Variants in CTAGE1 observed in about 807,000 individuals in gnomAD.
CTAGE1 encodes the protein cTAGE family member 2.
For missense variants in CTAGE1, 963 were observed against 855.9 expected (o/e 1.13, Z -1.56); for synonymous variants, 332 against 302.8 (o/e 1.10, Z -1.00).
rs73963390 is a variant in CTAGE1, at chr18:22,414,484, G to A, written c.*1090C>T. On this transcript the variant is annotated 3_prime_UTR_variant, in exon 1 of 1. Coordinates refer to ENST00000391403, the MANE Select transcript of CTAGE1 (RefSeq NM_172241.3). ...TGAGGGCAGGTTGTCCCCAAAAGAA[G>A]CAATGGCTTGGTGGCCCAGCTTGCA... is the stretch of plus-strand genomic sequence containing the variant. 0.013 allele frequency: 7,666 copies of A among 577,310 alleles called. 485 individuals carry two copies. Among genetic ancestry groups the A allele is most frequent in the African/African-American group, 0.13 (6,795 of 53,328 alleles). 35.8% of individuals were successfully genotyped at this position (577,310 alleles called of 1,614,324 possible).
Position 22,414,629 on chromosome 18 carries a change from A to C in CTAGE1, c.*945T>G, listed in dbSNP as rs1451647843. The C allele has an allele frequency of 1.6e-5, 11 of 694,632 alleles. No homozygotes were observed. The highest frequency in any genetic ancestry group is 2.4e-5 in the Non-Finnish European group (9 of 382,612). The allele number at this position is 694,632 out of a possible 1,614,324, so 43.0% of individuals were successfully genotyped here. ...TCAAATTCACCAACTGCAATTAAGCACTATCTTAGATTTACTCCTTCCCCT... is the reference window on the plus strand; with the variant it reads ...TCAAATTCACCAACTGCAATTAAGCCCTATCTTAGATTTACTCCTTCCCCT... On this transcript the variant is annotated 3_prime_UTR_variant, in exon 1 of 1. Transcript: ENST00000391403.
Position 22,415,615 on chromosome 18 carries a change from G to C in CTAGE1, c.2197C>G (p.Pro733Ala), listed in dbSNP as rs372016465. 6.2e-7 allele frequency: 1 copy of C among 1,613,058 alleles called. No homozygotes were observed. The highest frequency in any genetic ancestry group is 8.5e-7 in the Non-Finnish European group (1 of 1,179,468). Residue 733 changes from proline (P) to alanine (A), a missense_variant, in exon 1 of 1, where the codon CCC becomes GCC. Pro to Ala is a conservative substitution (Grantham distance 27). Transcript: ENST00000391403. Reference protein sequence around the residue: ...YLPRGFLPYRPPRPAFFPPAP... With the variant: ...YLPRGFLPYRAPRPAFFPPAP... ...GGGGGGAAAAATGCAGGTCTTGGGGGACGGTAAGGAAGAAAACCTCTCGGT... is the reference window on the plus strand; with the variant it reads ...GGGGGGAAAAATGCAGGTCTTGGGGCACGGTAAGGAAGAAAACCTCTCGGT...
At position 22,415,297 on chromosome 18, in the gene CTAGE1, GAATAA is replaced by G. The variant is rs748609036; in HGVS notation, c.*272_*276del. The G allele has an allele frequency of 8.0e-6, 3 of 373,046 alleles. No individual in the cohort carries two copies. The highest frequency in any genetic ancestry group is 9.5e-6 in the Non-Finnish European group (2 of 210,786). 23.1% of individuals were successfully genotyped at this position (373,046 alleles called of 1,614,324 possible). A position where few individuals can be genotyped will look rare whatever the true frequency, so the allele number is the denominator to read the frequency against. The stretch of plus-strand genomic sequence containing the variant: ...ATCAAATTAAAAGTTATACTATCTA[GAATAA>G]AATAAAATGAAATAATTTACTCATA... On this transcript the variant is annotated 3_prime_UTR_variant, in exon 1 of 1. Transcript: ENST00000391403.
In CTAGE1 at chr18:22,416,639, G is replaced by C; in HGVS notation, c.1173C>G (p.Ile391Met). Residue 391 changes from isoleucine (I) to methionine (M), a missense_variant, in exon 1 of 1, where the codon ATC becomes ATG. Transcript: ENST00000391403. ...TCTCCAGCTCTTCAGTGGCATGGCT[G>C]ATCATTTCGTCTACTTTAGAAAGTT... is the stretch of plus-strand genomic sequence containing the variant. ...EEKLSKVDEM[I>M]SHATEELETY... 1 of 1,613,812 alleles carries C rather than the reference G, an allele frequency of 6.2e-7. No individual in the cohort carries two copies. Among genetic ancestry groups the C allele is most frequent in the Non-Finnish European group, 8.5e-7 (1 of 1,179,966 alleles).
At position 22,417,701 on chromosome 18, in the gene CTAGE1, C is replaced by T. The variant is rs775604113; in HGVS notation, c.111G>A (p.Thr37=). The change falls in exon 1 of 1, where the codon ACG becomes ACA. Residue 37 remains threonine (T), a synonymous_variant. Transcript: ENST00000391403. ...LFLWRSFRSV[T]SRLYVRREKK... is the part of the protein sequence containing the mutation. ...TCTCTCTTCTCACATAAAGCCGACT[C>T]GTAACTGATCTAAAACTTCTCCACA... 13 of 1,614,122 alleles carry T rather than the reference C, an allele frequency of 8.1e-6. No homozygotes were observed. The highest frequency in any genetic ancestry group is 3.3e-5 in the South Asian group (3 of 91,082).
At position 22,416,813 on chromosome 18, in the gene CTAGE1, A is replaced by G; in HGVS notation, c.999T>C (p.Ser333=). The change falls in exon 1 of 1, where the codon TCT becomes TCC. Residue 333 remains serine, a synonymous_variant. Transcript: ENST00000391403. ...HIKNLQTEQA[S]LQSENTHFES... ...CAAAATGTGTGTTTTCTGACTGCAA[A>G]GATGCTTGTTCAGTCTGAAGATTTT... 2 of 1,612,580 alleles carry G rather than the reference A, an allele frequency of 1.2e-6. No individual in the cohort carries two copies. The highest frequency in any genetic ancestry group is 2.2e-5 in the South Asian group (2 of 90,886).
Position 22,414,723 on chromosome 18 carries a change from G to C in CTAGE1, c.*851C>G, listed in dbSNP as rs151156268. 36 of 703,040 alleles carry C rather than the reference G, an allele frequency of 5.1e-5. No individual in the cohort carries two copies. Among genetic ancestry groups the C allele is most frequent in the Non-Finnish European group, 8.1e-5 (31 of 385,026 alleles). 43.6% of individuals were successfully genotyped at this position (703,040 alleles called of 1,614,324 possible). On this transcript the variant is annotated 3_prime_UTR_variant, in exon 1 of 1. Coordinates refer to ENST00000391403, the MANE Select transcript of CTAGE1 (RefSeq NM_172241.3). ...GAACACCAACAGAGGTAAAGGTTGGGAAAGAAGTCAGGAGAAACTGATCTA... is the reference window on the plus strand; with the variant it reads ...GAACACCAACAGAGGTAAAGGTTGGCAAAGAAGTCAGGAGAAACTGATCTA...
chr18:22,414,515 G>A lies in CTAGE1; in HGVS notation c.*1059C>T, dbSNP rs1256203899. 7 of 592,652 alleles carry A rather than the reference G, an allele frequency of 1.2e-5. No individual in the cohort carries two copies. The highest frequency in any genetic ancestry group is 5.6e-5 in the East Asian group (2 of 35,962). 36.7% of individuals were successfully genotyped at this position (592,652 alleles called of 1,614,324 possible). On this transcript the variant is annotated 3_prime_UTR_variant, in exon 1 of 1. Transcript: ENST00000391403. Reference sequence around the variant, plus strand: ...GCTTGGTGGCCCAGCTTGCATGAAGGACTAATCCAAAATTTGAGGGCGTCT... The same window carrying A: ...GCTTGGTGGCCCAGCTTGCATGAAGAACTAATCCAAAATTTGAGGGCGTCT...
rs1386055768 is a variant in CTAGE1 at position 22,417,797 on chromosome 18, A to C, written c.15T>G (p.Ser5=). The C allele has an allele frequency of 6.2e-7, 1 of 1,614,244 alleles. No homozygotes were observed. Among genetic ancestry groups the C allele is most frequent in the South Asian group, 1.1e-5 (1 of 91,086 alleles). MRPD[S]HPYGFPWELV... ...ATTCCCATGGAAAACCATAAGGATG[A>C]GAATCGGGTCTCATACCTTCAGTCA... The change falls in exon 1 of 1, where the codon TCT becomes TCG. Residue 5 remains serine (S), a synonymous_variant. Transcript: ENST00000391403.
In CTAGE1 at chr18:22,416,094, C is replaced by G. The variant is rs768978852; in HGVS notation, c.1718G>C (p.Arg573Thr). The change falls in exon 1 of 1, where the codon AGG (arginine) becomes ACG (threonine). Residue 573 changes from arginine (R) to threonine (T), a missense_variant. Physicochemically the swap from Arg to Thr is moderately conservative, Grantham distance 71. Coordinates refer to ENST00000391403, the MANE Select transcript of CTAGE1 (RefSeq NM_172241.3). The stretch of plus-strand genomic sequence containing the variant: ...TTGTCCTGGTGGAGGAAACATCATC[C>G]TATAGTCCTGTTCCCACGGAGGTGC... ...PLAPPWEQDY[R>T]MMFPPPGQSY... The G allele has an allele frequency of 1.7e-5, 27 of 1,613,838 alleles. 1 individual carries two copies. The Admixed American group carries it at 3.8e-4, about 23-fold the overall frequency.
In CTAGE1 at chr18:22,415,587, GC is replaced by G. The variant is rs1568125107; in HGVS notation, c.2224del (p.Ala742ProfsTer14). 12 of 1,603,456 alleles carry G rather than the reference GC, an allele frequency of 7.5e-6. No individual in the cohort carries two copies. The highest frequency in any genetic ancestry group is 1.0e-5 in the Non-Finnish European group (12 of 1,174,406). ...RPPRPAFFPP[A>X]PTF ...CTCATTCTACCTTCAGAATGTGGGGGCTGGGGGGAAAAATGCAGGTCTTGGG... is the reference window on the plus strand; with the variant it reads ...CTCATTCTACCTTCAGAATGTGGGGGTGGGGGGAAAAATGCAGGTCTTGGG... On this transcript the variant is annotated frameshift_variant, in exon 1 of 1. Coordinates refer to ENST00000391403, the MANE Select transcript of CTAGE1 (RefSeq NM_172241.3). LOFTEE classifies it high-confidence loss of function.
chr18:22,416,321 T>C lies in CTAGE1; in HGVS notation c.1491A>G (p.Ser497=), dbSNP rs1375960586. Residue 497 remains serine (S), a synonymous_variant, in exon 1 of 1, where the codon TCA becomes TCG. Coordinates refer to ENST00000391403, the MANE Select transcript of CTAGE1 (RefSeq NM_172241.3). ...GATAGAGAGAAGCTCTCGTTTCAGA[T>C]GAAGGCCAACCCAATGGTGAGGGAC... ...PYGPSPLGWP[S]SETRASLYPP... is the part of the protein sequence containing the mutation. 3.7e-6 allele frequency: 6 copies of C among 1,613,858 alleles called. No homozygotes were observed. Among genetic ancestry groups the C allele is most frequent in the African/African-American group, 1.3e-5 (1 of 74,924 alleles).
Position 22,415,658 on chromosome 18 carries a change from T to TGCAAATGGA in CTAGE1, c.2145_2153dup (p.Pro716_Ala718dup), listed in dbSNP as rs1568125260. The TGCAAATGGA allele has an allele frequency of 6.2e-7, 1 of 1,614,098 alleles. No individual in the cohort carries two copies. The stretch of plus-strand genomic sequence containing the variant: ...CTCTCGGTAAATAGACATTTCTCAT[T>TGCAAATGGA]GCAAATGGAGCACGTGGTGGACCTG... On this transcript the variant is annotated inframe_insertion, in exon 1 of 1. Transcript: ENST00000391403.
Position 22,415,948 on chromosome 18 carries a change from C to T in CTAGE1, c.1864G>A (p.Gly622Arg), listed in dbSNP as rs747498099. The T allele has an allele frequency of 5.5e-5, 88 of 1,613,758 alleles. No homozygotes were observed. The highest frequency in any genetic ancestry group is 6.9e-5 in the Non-Finnish European group (81 of 1,179,858). The change falls in exon 1 of 1, where the codon GGG (glycine) becomes AGG (arginine). Residue 622 changes from glycine (G) to arginine (R), a missense_variant. Transcript: ENST00000391403. ...GATTCCATTTCTGAAGGCATTGACCCATCCATTTTATCCAAAGAAGGCATA... is the reference window on the plus strand; with the variant it reads ...GATTCCATTTCTGAAGGCATTGACCTATCCATTTTATCCAAAGAAGGCATA... ...FNMPSLDKMD[G>R]SMPSEMESSR...
At position 22,417,215 on chromosome 18, in the gene CTAGE1, A is replaced by G. The variant is rs544256860; in HGVS notation, c.597T>C (p.Ala199=). 21 of 1,613,798 alleles carry G rather than the reference A, an allele frequency of 1.3e-5. No individual in the cohort carries two copies. Among genetic ancestry groups the G allele is most frequent in the Middle Eastern group, 1.6e-4 (1 of 6,078 alleles). The change falls in exon 1 of 1, where the codon GCT becomes GCC. Residue 199 remains alanine (A), a synonymous_variant. Coordinates refer to ENST00000391403, the MANE Select transcript of CTAGE1 (RefSeq NM_172241.3). ...QESQKQLLQE[A]EVWKEQVSEL... ...CACTCACTTGTTCTTTCCATACTTC[A>G]GCTTCTTGCAAAAGCTGTTTCTGGC...
At position 22,417,796 on chromosome 18, in the gene CTAGE1, GAGAAT is replaced by G; in HGVS notation, c.11_15del (p.Asp4AlafsTer29). The G allele has an allele frequency of 2.5e-6, 4 of 1,614,232 alleles. No individual in the cohort carries two copies. Among genetic ancestry groups the G allele is most frequent in the Non-Finnish European group, 3.4e-6 (4 of 1,180,036 alleles). On this transcript the variant is annotated frameshift_variant, in exon 1 of 1. Coordinates refer to ENST00000391403, the MANE Select transcript of CTAGE1 (RefSeq NM_172241.3). LOFTEE classifies it low-confidence loss of function (END_TRUNC). Reference sequence around the variant, plus strand: ...AATTCCCATGGAAAACCATAAGGATGAGAATCGGGTCTCATACCTTCAGTCAGTGC... The same window carrying G: ...AATTCCCATGGAAAACCATAAGGATGCGGGTCTCATACCTTCAGTCAGTGC...
Position 22,417,514 on chromosome 18 carries a change from T to C in CTAGE1, c.298A>G (p.Thr100Ala), listed in dbSNP as rs1392105203. 1.2e-6 allele frequency: 2 copies of C among 1,613,904 alleles called. No homozygotes were observed. Among genetic ancestry groups the C allele is most frequent in the Admixed American group, 3.3e-5 (2 of 60,004 alleles). Residue 100 changes from threonine (T) to alanine (A), a missense_variant, in exon 1 of 1, where the codon ACC (threonine) becomes GCC (alanine). Coordinates refer to ENST00000391403, the MANE Select transcript of CTAGE1 (RefSeq NM_172241.3). ...EATEAQSLEA[T>A]CEKLNRFNSE... Reference sequence around the variant, plus strand: ...TTGAACCTGTTCAGCTTTTCGCAGGTTGCCTCCAAACTTTGTGCTTCTGTT... The same window carrying C: ...TTGAACCTGTTCAGCTTTTCGCAGGCTGCCTCCAAACTTTGTGCTTCTGTT...
In CTAGE1 at chr18:22,414,150, A is replaced by G. The variant is rs1598489246; in HGVS notation, c.*1424T>C. The stretch of plus-strand genomic sequence containing the variant: ...ATAAATAGTATTCAACAGTGAAGGA[A>G]GAAACCACTAGGCTTACCATTCTAT... On this transcript the variant is annotated 3_prime_UTR_variant, in exon 1 of 1. Coordinates refer to ENST00000391403, the MANE Select transcript of CTAGE1 (RefSeq NM_172241.3). 6.5e-6 allele frequency: 1 copy of G among 152,688 alleles called. No homozygotes were observed. The highest frequency in any genetic ancestry group is 1.9e-4 in the East Asian group (1 of 5,186). 9.5% of individuals were successfully genotyped at this position (152,688 alleles called of 1,614,324 possible).
Position 22,416,934 on chromosome 18 carries a change from T to C in CTAGE1, c.878A>G (p.Asn293Ser). The change falls in exon 1 of 1, where the codon AAT becomes AGT. Residue 293 changes from asparagine to serine, a missense_variant. Asn to Ser is a conservative substitution (Grantham distance 46, BLOSUM62 1). Coordinates refer to ENST00000391403, the MANE Select transcript of CTAGE1 (RefSeq NM_172241.3). Reference protein sequence around the residue: ...LKKLIHAAKLNASLKTLEGER... With the variant: ...LKKLIHAAKLSASLKTLEGER... Reference sequence around the variant, plus strand: ...TCCTTCTAAGGTTTTTAAGGAAGCATTTAACTTAGCAGCATGAATCAGTTT... The same window carrying C: ...TCCTTCTAAGGTTTTTAAGGAAGCACTTAACTTAGCAGCATGAATCAGTTT... 1 of 1,614,048 alleles carries C rather than the reference T, an allele frequency of 6.2e-7. No individual in the cohort carries two copies. The highest frequency in any genetic ancestry group is 2.2e-5 in the East Asian group (1 of 44,858).
Sources: gnomAD v4.1 joint callset for allele counts on GRCh38, gnomAD v4.1.1 for gene constraint, MANE v1.5 for transcripts, NCBI Gene and HGNC (gene_info 2026-07-23, HGNC 2026-07-21) for gene names.